Variants in PCDH9 observed in about 807,000 individuals in gnomAD.
The protein encoded by PCDH9 is protocadherin-9.
A neutral mutation model predicts 70.6 loss-of-function variants in PCDH9; 24 were observed. The observed-to-expected ratio is 0.34, with a 90% CI of 0.25 to 0.48. The LOEUF (loss-of-function observed/expected upper bound fraction) is 0.48. Among genes scored for constraint, PCDH9 ranks in the 20% least tolerant of loss-of-function variants. PCDH9 has a pLI of 0.99. For synonymous variants in PCDH9, 562 were observed against 558.5 expected (o/e 1.01, Z -0.09); for missense variants, 1,281 against 1,503.6 (o/e 0.85, Z 2.45).
chr13:66,752,727 G>T (rs1162337829), intron 3 of PCDH9, among the ~76,000 whole-genome samples: 2 of 151,984 alleles, frequency 1.3e-5, no homozygotes, highest in African/African-American at 4.9e-5. Context: ...TTAAGAGGGT[G>T]TTGCAGTTGT....
intron 3 of PCDH9, among the ~76,000 whole-genome samples, chr13:66,863,230 A>G (rs1407295172): frequency 6.6e-6 from 1 of 152,164 alleles, no homozygotes; most frequent in Non-Finnish European, 1.5e-5. Context: ...AACTTTTAGA[A>G]AGTTGTCTAA....
chr13:67,066,065 C>G (rs185892451), intron 2 of PCDH9, among the ~76,000 whole-genome samples: 19 of 152,206 alleles, frequency 1.2e-4, no homozygotes, highest in Admixed American at 1.1e-3. Context: ...ACACCCCTAC[C>G]TTAAGAAATT....
intron 4 of PCDH9, among the ~76,000 whole-genome samples, chr13:66,620,865 G>A (rs2138899920): frequency 1.3e-5 from 2 of 152,134 alleles, no homozygotes; most frequent in East Asian, 1.9e-4. Context: ...CACTAAACTG[G>A]AAGTTGTTTA....
chr13:66,891,422 A>C (rs2082093538), intron 3 of PCDH9, among the ~76,000 whole-genome samples: 2 of 152,124 alleles, frequency 1.3e-5, no homozygotes, highest in Non-Finnish European at 2.9e-5. Context: ...CTTTAGAAAA[A>C]ATATTAAACA....
At position 67,121,652 on chromosome 13, in the gene PCDH9, A is replaced by T. The variant is rs1373528006; in HGVS notation, c.3036+103753T>A. 2.0e-5 allele frequency among the ~76,000 whole-genome samples: 3 copies of T among 152,206 alleles called. No homozygotes were observed. In the East Asian group the frequency reaches 5.8e-4, roughly 29 times the overall value. ...ATTTCTGGCTAGAAATAGTACTTGT[A>T]TAAAAGTAATGAATAGAATTTTCTT... is the stretch of plus-strand genomic sequence containing the variant. On this transcript the variant is annotated intron_variant, in intron 2 of 4. Transcript: ENST00000377865.
intron 4 of PCDH9, among the ~76,000 whole-genome samples, chr13:66,558,079 C>T (rs762329652): frequency 8.6e-5 from 13 of 152,036 alleles, no homozygotes; most frequent in African/African-American, 1.2e-4. Context: ...TGCTTGTGCC[C>T]AGGAGTTTGA....
chr13:67,031,629 G>T (rs1167003829), intron 2 of PCDH9, among the ~76,000 whole-genome samples: 2 of 152,218 alleles, frequency 1.3e-5, no homozygotes, highest in Non-Finnish European at 2.9e-5. Context: ...GTTGCAGTGA[G>T]CTGAGATCGT....
intron 4 of PCDH9, among the ~76,000 whole-genome samples, chr13:66,358,218 ACTT>A (rs1242041169): frequency 6.6e-6 from 1 of 151,960 alleles, no homozygotes; most frequent in Non-Finnish European, 1.5e-5. Flanking sequence ...GAAAGCTACT[ACTT>A]AAGGGAAAGT....
At chr13:66,975,979 G>A (rs1188232649) in intron 2 of PCDH9, among the ~76,000 whole-genome samples, 4 of 152,024 alleles carry the variant, frequency 2.6e-5, no homozygotes, top group Non-Finnish European at 4.4e-5. Flanking sequence ...TCTATAAGAG[G>A]TGAATTTTGC....
chr13:67,141,968 G>T (rs1285527447), intron 2 of PCDH9, among the ~76,000 whole-genome samples: 2 of 151,382 alleles, frequency 1.3e-5, no homozygotes, highest in Non-Finnish European at 2.9e-5. Context: ...TTATAAATAT[G>T]GAATTTGAAA....
intron 3 of PCDH9, among the ~76,000 whole-genome samples, chr13:66,849,517 T>TATATATATATATAG (rs1272589939): frequency 4.7e-5 from 3 of 63,578 alleles, no homozygotes; most frequent in Non-Finnish European, 7.8e-5. Context: ...TATATATATA[T>TATATATATATATAG]AGAGAGAGAG....
intron 3 of PCDH9, among the ~76,000 whole-genome samples, chr13:66,686,588 T>C (rs968452336): frequency 1.3e-5 from 2 of 152,224 alleles, no homozygotes; most frequent in Non-Finnish European, 2.9e-5. Flanking sequence ...ACAAATGTTC[T>C]GCACTGTTCA....
intron 3 of PCDH9, among the ~76,000 whole-genome samples, chr13:66,746,997 C>T (rs1346463621): frequency 1.1e-5 from 1 of 94,164 alleles, no homozygotes; most frequent in Non-Finnish European, 2.9e-5. Flanking sequence ...TCATTTTAAA[C>T]ATTTTATTCA....
chr13:66,478,137 C>T (rs1460397093), intron 4 of PCDH9, among the ~76,000 whole-genome samples: 2 of 152,028 alleles, frequency 1.3e-5, no homozygotes, highest in Non-Finnish European at 2.9e-5. Context: ...GTTATGGTGA[C>T]GTGGGATCGG....
intron 3 of PCDH9, among the ~76,000 whole-genome samples, chr13:66,644,712 T>C (rs1373239516): frequency 1.3e-5 from 2 of 151,992 alleles, no homozygotes; most frequent in Admixed American, 6.6e-5. Context: ...AAAAAGTACT[T>C]CTGCTTCCAC....
rs1010084176 is a variant in PCDH9 at position 66,699,387 on chromosome 13, G to A, written c.3139-67976C>T. 4.6e-5 allele frequency among the ~76,000 whole-genome samples: 7 copies of A among 152,246 alleles called. No homozygotes were observed. The East Asian group carries it at 1.4e-3, about 29-fold the overall frequency. On this transcript the variant is annotated intron_variant, in intron 3 of 4. Coordinates refer to ENST00000377865, the MANE Select transcript of PCDH9 (RefSeq NM_203487.3). ...CTGTGTCCTAATCCCCAGAACCTGT[G>A]AATGCAATCTTATGTAGAAAAAAGC...
At chr13:66,617,875 C>T (rs1041631323) in intron 4 of PCDH9, among the ~76,000 whole-genome samples, 1 of 151,752 alleles carries the variant, frequency 6.6e-6, no homozygotes, top group African/African-American at 2.4e-5. Context: ...CACAAAACGG[C>T]GTCCCCTGTC....
At chr13:66,382,346 C>T (rs2781776) in intron 4 of PCDH9, among the ~76,000 whole-genome samples, 4,855 of 151,866 alleles carry the variant, frequency 0.032, 245 homozygotes, top group African/African-American at 0.11. Flanking sequence ...TCTGATGAGA[C>T]CTAGAAACAG....
At chr13:66,952,223 G>A (rs891088918) in intron 2 of PCDH9, among the ~76,000 whole-genome samples, 3 of 152,240 alleles carry the variant, frequency 2.0e-5, no homozygotes, top group Admixed American at 6.5e-5. Flanking sequence ...CATTGTGGAA[G>A]GCACCTTGGG....
Sources: gnomAD v4.1 joint callset for allele counts (sites outside exome capture counted in the v4.1 genomes callset) on GRCh38, gnomAD v4.1.1 for gene constraint, MANE v1.5 for transcripts, NCBI Gene and HGNC (gene_info 2026-07-23, HGNC 2026-07-21) for gene names.